ASCC3: variants seen among roughly 807,000 people sequenced by gnomAD.
ASCC3 encodes ASC-1 complex subunit P200.
A neutral mutation model predicts 256.3 loss-of-function variants in ASCC3; 158 were observed. The observed-to-expected ratio is 0.62, with a 90% CI of 0.54 to 0.70. ASCC3 has a LOEUF of 0.70. Ranked by LOEUF, ASCC3 falls within the 30% of genes least tolerant of loss-of-function variation. The probability of loss-of-function intolerance (pLI) is 0.00; values close to 1 mark genes in which losing one functional copy is unlikely to be tolerated. For synonymous variants in ASCC3, 948 were observed against 883.4 expected, an observed-to-expected ratio of 1.07 and a Z score of -1.30; for missense variants, 2,259 against 2,626.0, an observed-to-expected ratio of 0.86 and a Z score of 3.05.
chr6:100,666,834 A>G (rs1236552851), intron 14 of ASCC3, among the ~76,000 whole-genome samples: 4 of 152,142 alleles, frequency 2.6e-5, no homozygotes. Context: ...AATTTATGAA[A>G]CATGATAGTC....
intron 13 of ASCC3, among the ~76,000 whole-genome samples, chr6:100,711,603 G>A (rs1004956399): frequency 2.0e-5 from 3 of 152,080 alleles, no homozygotes; most frequent in Admixed American, 1.3e-4. Flanking sequence ...GGTGGTACAT[G>A]CCTGTAATCC....
rs757716813 is a variant in ASCC3, at chr6:100,625,281, G to C, written c.4696C>G (p.Arg1566Gly). 1.2e-6 allele frequency: 2 copies of C among 1,612,912 alleles called. No homozygotes were observed. Among genetic ancestry groups the C allele is most frequent in the Middle Eastern group, 1.7e-4 (1 of 6,060 alleles). ...KPVLIFVSSRRQTRLTALELI... is the reference protein window; with the variant it reads ...KPVLIFVSSRGQTRLTALELI... The stretch of plus-strand genomic sequence containing the variant: ...TCCAAAGCAGTAAGACGAGTTTGAC[G>C]TCTTGATGAGACAAATATCAAAACA... Residue 1566 changes from arginine (R) to glycine (G), a missense_variant, in exon 30 of 42, where the codon CGT becomes GGT. Transcript: ENST00000369162.
chr6:100,797,178 G>A (rs944583604), intron 8 of ASCC3, among the ~76,000 whole-genome samples: 3 of 151,942 alleles, frequency 2.0e-5, no homozygotes, highest in Non-Finnish European at 2.9e-5. Flanking sequence ...GACCGGGTGC[G>A]GTGGCTCATG....
intron 37 of ASCC3, among the ~76,000 whole-genome samples, chr6:100,524,229 ATC>A (rs1441919245): frequency 6.6e-6 from 1 of 152,140 alleles, no homozygotes; most frequent in Non-Finnish European, 1.5e-5. Context: ...GGTGGCTTAC[ATC>A]TGACCTTGTT....
intron 17 of ASCC3, among the ~76,000 whole-genome samples, chr6:100,653,617 G>A (rs1294242755): frequency 2.7e-5 from 4 of 150,934 alleles, no homozygotes; most frequent in African/African-American, 9.7e-5. Flanking sequence ...CAACCTGGGC[G>A]ACAGAGCGAG....
chr6:100,721,148 T>C (rs1779310192), intron 11 of ASCC3, among the ~76,000 whole-genome samples: 1 of 151,554 alleles, frequency 6.6e-6, no homozygotes, highest in South Asian at 2.1e-4. Flanking sequence ...CTTTTTCTAC[T>C]GGGGATGCTC....
At chr6:100,642,335 G>A (rs528918957) in intron 24 of ASCC3, among the ~76,000 whole-genome samples, 2 of 152,078 alleles carry the variant, frequency 1.3e-5, no homozygotes, top group Non-Finnish European at 2.9e-5. Context: ...TAACTCACTG[G>A]TATGTTAGTT....
intron 36 of ASCC3, among the ~76,000 whole-genome samples, chr6:100,551,495 A>AG (rs1434320022): frequency 6.6e-6 from 1 of 151,876 alleles, no homozygotes; most frequent in African/African-American, 2.4e-5. Context: ...TGAATAGAAA[A>AG]GGGGGGACTG....
At chr6:100,750,229 G>A (rs1780875354) in intron 10 of ASCC3, among the ~76,000 whole-genome samples, 1 of 152,000 alleles carries the variant, frequency 6.6e-6, no homozygotes, top group Non-Finnish European at 1.5e-5. Flanking sequence ...GACATCACAA[G>A]TGAAACTTGA....
chr6:100,821,890 T>C lies in ASCC3; in HGVS notation c.802-16010A>G, dbSNP rs528031615. ...ACATGAATGAACTATGAAAACGTTT[T>C]GCTAAGTAAAAAAAACAGTCAAGAA... On this transcript the variant is annotated intron_variant, in intron 4 of 41. Coordinates refer to ENST00000369162, the MANE Select transcript of ASCC3 (RefSeq NM_006828.4). 5.9e-4 allele frequency among the ~76,000 whole-genome samples: 89 copies of C among 152,050 alleles called. 1 individual carries two copies. Among genetic ancestry groups the C allele is most frequent in the Non-Finnish European group, 1.2e-3 (84 of 68,004 alleles).
At chr6:100,594,267 G>A (rs957321528) in intron 34 of ASCC3, among the ~76,000 whole-genome samples, 1 of 152,006 alleles carries the variant, frequency 6.6e-6, no homozygotes, top group African/African-American at 2.4e-5. Flanking sequence ...ACATGCAGAT[G>A]AACAAGCATG....
At chr6:100,540,418 G>C in intron 36 of ASCC3, 31 bp from the exon 37 acceptor site, 12 of 1,530,884 alleles carry the variant, frequency 7.8e-6, no homozygotes, top group Non-Finnish European at 1.1e-5. Context: ...CACATTGTTG[G>C]ATCAAAGTAT....
chr6:100,605,060 T>C (rs1186036255), intron 33 of ASCC3, among the ~76,000 whole-genome samples: 1 of 152,192 alleles, frequency 6.6e-6, no homozygotes, highest in African/African-American at 2.4e-5. Flanking sequence ...CCTAAATCAT[T>C]AATTACATGC....
intron 10 of ASCC3, among the ~76,000 whole-genome samples, chr6:100,738,369 T>C (rs927566876): frequency 1.3e-5 from 2 of 152,210 alleles, no homozygotes; most frequent in African/African-American, 4.8e-5. Context: ...TTTAAGTCTT[T>C]AATCCATCTT....
intron 4 of ASCC3, among the ~76,000 whole-genome samples, chr6:100,815,665 A>G (rs1770709691): frequency 6.6e-6 from 1 of 152,124 alleles, no homozygotes; most frequent in Non-Finnish European, 1.5e-5. Flanking sequence ...AGGAATGGGG[A>G]AAAGACTCCA....
intron 5 of ASCC3, among the ~76,000 whole-genome samples, chr6:100,805,344 A>C (rs148625347): frequency 1.3e-5 from 2 of 152,210 alleles, no homozygotes; most frequent in East Asian, 3.9e-4. Context: ...AACAACAGAC[A>C]CTAGGGATTC....
intron 36 of ASCC3, among the ~76,000 whole-genome samples, chr6:100,586,301 C>T (rs1216697917): frequency 1.3e-5 from 2 of 152,136 alleles, no homozygotes; most frequent in African/African-American, 4.8e-5. Flanking sequence ...GTGACCCTTC[C>T]CCAGCCTTGC....
intron 13 of ASCC3, among the ~76,000 whole-genome samples, chr6:100,680,817 TGTTA>T (rs987144165): frequency 2.8e-5 from 4 of 142,658 alleles, no homozygotes; most frequent in African/African-American, 9.8e-5. Context: ...TATACTCCTC[TGTTA>T]GTTACATTTT....
chr6:100,580,224 C>T (rs1318177477), intron 36 of ASCC3, among the ~76,000 whole-genome samples: 1 of 151,942 alleles, frequency 6.6e-6, no homozygotes, highest in East Asian at 1.9e-4. Context: ...AATAGTAACA[C>T]TTAAATTGAC....
Sources: gnomAD v4.1 joint callset for allele counts (sites outside exome capture counted in the v4.1 genomes callset) on GRCh38, gnomAD v4.1.1 for gene constraint, MANE v1.5 for transcripts, NCBI Gene and HGNC (gene_info 2026-07-23, HGNC 2026-07-21) for gene names.